Variants in THADA observed in about 807,000 individuals in gnomAD.
THADA encodes the protein THADA armadillo repeat containing, also known as tRNA (32-2'-O)-methyltransferase regulator THADA.
In THADA, 213 loss-of-function variants were observed where a neutral mutation model predicts 219.8. The ratio of observed to expected loss-of-function variants is 0.97; its 90% CI spans 0.87 to 1.09. The LOEUF (loss-of-function observed/expected upper bound fraction) is 1.09, where lower values mean the gene tolerates loss of function less well. Among genes scored for constraint, THADA ranks in the 50% least tolerant of loss-of-function variants. THADA has a pLI of 0.00. For missense variants in THADA, 2,956 were observed against 2,311.3 expected (o/e 1.28, Z -5.72); for synonymous variants, 1,018 against 828.9 (o/e 1.23, Z -3.92).
chr2:43,270,834 G>C (rs370186153), intron 36 of THADA, among the ~76,000 whole-genome samples: 2 of 152,170 alleles, frequency 1.3e-5, no homozygotes, highest in East Asian at 3.9e-4. Context: ...ACTCCAGCCA[G>C]AGTGATGCCA....
At chr2:43,432,804 T>C (rs1236564717) in intron 26 of THADA, among the ~76,000 whole-genome samples, 2 of 152,250 alleles carry the variant, frequency 1.3e-5, no homozygotes, top group Non-Finnish European at 2.9e-5. Flanking sequence ...TCATGTGCTT[T>C]GGTCATTATT....
At chr2:43,486,961 G>C (rs1377870660) in intron 25 of THADA, among the ~76,000 whole-genome samples, 1 of 152,058 alleles carries the variant, frequency 6.6e-6, no homozygotes, top group East Asian at 1.9e-4. Context: ...GTCATGCATG[G>C]TAGCCATAGA....
intron 29 of THADA, among the ~76,000 whole-genome samples, chr2:43,394,575 G>A (rs186661174): frequency 5.9e-4 from 90 of 152,266 alleles, no homozygotes; most frequent in African/African-American, 2.0e-3. Context: ...TTTTCCAGGT[G>A]CAGGCTTTTT....
chr2:43,331,910 A>C (rs530784330), intron 30 of THADA, among the ~76,000 whole-genome samples: 2 of 98,806 alleles, frequency 2.0e-5, no homozygotes, highest in South Asian at 6.3e-4. Context: ...TCCATTATAT[A>C]TATCTAATAC....
intron 29 of THADA, among the ~76,000 whole-genome samples, chr2:43,371,290 T>A (rs746418126): frequency 2.0e-5 from 3 of 152,202 alleles, no homozygotes; most frequent in Non-Finnish European, 2.9e-5. Flanking sequence ...AATGCAAAAA[T>A]TTTTTAAAAG....
At chr2:43,439,796 A>G (rs1446720829) in intron 26 of THADA, among the ~76,000 whole-genome samples, 1 of 152,172 alleles carries the variant, frequency 6.6e-6, no homozygotes, top group African/African-American at 2.4e-5. Context: ...ATAAGGGAAG[A>G]CTACTGTAAT....
intron 24 of THADA, among the ~76,000 whole-genome samples, chr2:43,503,285 G>C (rs1689255443): frequency 1.3e-5 from 2 of 152,172 alleles, no homozygotes; most frequent in Non-Finnish European, 2.9e-5. Context: ...GTTTGTAATA[G>C]AAGAAAACGG....
intron 4 of THADA, among the ~76,000 whole-genome samples, 191 bp from the exon 5 acceptor site, chr2:43,587,193 T>C (rs952483146): frequency 6.6e-6 from 1 of 152,112 alleles, no homozygotes; most frequent in African/African-American, 2.4e-5. Flanking sequence ...TGCTTCCACC[T>C]TGCTTCTCTC....
chr2:43,514,574 A>G (rs1179812058), intron 22 of THADA, among the ~76,000 whole-genome samples: 1 of 109,972 alleles, frequency 9.1e-6, no homozygotes, highest in African/African-American at 3.8e-5. Flanking sequence ...TACATAACAT[A>G]TATGTATATT....
chr2:43,246,411 CT>C (rs1243326622), intron 36 of THADA, among the ~76,000 whole-genome samples: 4 of 152,180 alleles, frequency 2.6e-5, no homozygotes, highest in African/African-American at 9.7e-5. Flanking sequence ...AGGAGAATCA[CT>C]TGAACCCGGG....
chr2:43,585,442 C>G (rs1700904912), intron 7 of THADA, among the ~76,000 whole-genome samples: 1 of 151,286 alleles, frequency 6.6e-6, no homozygotes, highest in Non-Finnish European at 1.5e-5. Context: ...CACTTGAACC[C>G]AGGGAGGTAG....
chr2:43,317,755 C>A (rs541547471), intron 31 of THADA, among the ~76,000 whole-genome samples: 1 of 152,276 alleles, frequency 6.6e-6, no homozygotes, highest in East Asian at 1.9e-4. Context: ...CATGAACATT[C>A]ATACATATAC....
At chr2:43,521,071 T>TAGGAAGGGA (rs1439004235) in intron 22 of THADA, among the ~76,000 whole-genome samples, 56 of 71,532 alleles carry the variant, frequency 7.8e-4, no homozygotes, top group African/African-American at 2.9e-3. Context: ...AAGGGAAGGA[T>TAGGAAGGGA]AGGAAGGGAA....
In THADA at chr2:43,581,798, G is replaced by A. The variant is rs780685814; in HGVS notation, c.664C>T (p.Pro222Ser). 6.2e-7 allele frequency: 1 copy of A among 1,612,762 alleles called. No homozygotes were observed. Among genetic ancestry groups the A allele is most frequent in the Non-Finnish European group, 8.5e-7 (1 of 1,179,690 alleles). Reference protein sequence around the residue: ...QGNLWKTSDSPIWQNMCGLLS... With the variant: ...QGNLWKTSDSSIWQNMCGLLS... ...AATCCACACATATTTTGCCATATGG[G>A]AGAATCGGAAGTCTTCCAAAGATTT... Residue 222 changes from proline to serine, a missense_variant, in exon 8 of 38, where the codon CCC (proline) becomes TCC (serine). Coordinates refer to ENST00000405975, the MANE Select transcript of THADA (RefSeq NM_022065.5).
intron 15 of THADA, chr2:43,564,147 A>T (rs1698400614): frequency 6.6e-6 from 1 of 152,272 alleles, no homozygotes; most frequent in Admixed American, 6.5e-5. Context: ...GAAGTAATCA[A>T]TCACTCTAAG....
chr2:43,236,609 A>G (rs558325337), intron 36 of THADA, among the ~76,000 whole-genome samples: 26 of 152,218 alleles, frequency 1.7e-4, no homozygotes, highest in African/African-American at 6.0e-4. Context: ...GTAATCCCCT[A>G]ATTTTGGGAG....
At chr2:43,454,884 C>T (rs1028253769) in intron 26 of THADA, among the ~76,000 whole-genome samples, 1 of 152,216 alleles carries the variant, frequency 6.6e-6, no homozygotes, top group Admixed American at 6.5e-5. Context: ...CCATTAACTT[C>T]TAAGTCCACT....
At chr2:43,235,876 G>A (rs868360635) in intron 36 of THADA, among the ~76,000 whole-genome samples, 15 of 151,290 alleles carry the variant, frequency 9.9e-5, no homozygotes, top group African/African-American at 3.4e-4. Flanking sequence ...GCGGGATCTC[G>A]GCTCACTGCA....
At chr2:43,439,899 T>G (rs1404005771) in intron 26 of THADA, among the ~76,000 whole-genome samples, 1 of 152,204 alleles carries the variant, frequency 6.6e-6, no homozygotes. Context: ...TTCTTTTACC[T>G]ATTTCATAAA....
Sources: gnomAD v4.1 joint callset for allele counts (sites outside exome capture counted in the v4.1 genomes callset) on GRCh38, gnomAD v4.1.1 for gene constraint, MANE v1.5 for transcripts, NCBI Gene and HGNC (gene_info 2026-07-23, HGNC 2026-07-21) for gene names.